Variants in TRDN observed in about 807,000 individuals in gnomAD.
The protein encoded by TRDN is triadin, also known as triadin in skeletal muscle.
TRDN carries 161 observed loss-of-function variants against 149.7 expected under a neutral mutation model. The ratio of observed to expected loss-of-function variants is 1.08; its 90% CI spans 0.95 to 1.23. TRDN has a LOEUF of 1.23. Among genes scored for constraint, TRDN ranks in the 50% most tolerant of loss-of-function variants. The pLI is 0.00. For synonymous variants in TRDN, 294 were observed against 250.5 expected (o/e 1.17, Z -1.64); for missense variants, 896 against 823.5 (o/e 1.09, Z -1.08).
intron 40 of TRDN, among the ~76,000 whole-genome samples, chr6:123,220,327 A>C (rs1775101060): frequency 6.6e-6 from 1 of 151,878 alleles, no homozygotes; most frequent in Non-Finnish European, 1.5e-5. Context: ...GATACAATTC[A>C]CCTGTCTCAT....
intron 25 of TRDN, 125 bp downstream of exon 25, chr6:123,278,931 G>T: frequency 1.2e-6 from 1 of 819,892 alleles, no homozygotes; most frequent in Non-Finnish European, 1.8e-6. Context: ...CACAAAACAA[G>T]CCTTTGACTT....
chr6:123,559,437 T>TACA (rs1461632655), intron 2 of TRDN, among the ~76,000 whole-genome samples: 3 of 152,154 alleles, frequency 2.0e-5, no homozygotes, highest in Admixed American at 6.6e-5. Context: ...ATTCCTGGAT[T>TACA]ACAGCTACAT....
chr6:123,561,586 C>T (rs1020879446), intron 2 of TRDN, among the ~76,000 whole-genome samples: 1 of 152,178 alleles, frequency 6.6e-6, no homozygotes, highest in Non-Finnish European at 1.5e-5. Context: ...CCCTTGAGCA[C>T]TCTCTAATTG....
intron 10 of TRDN, chr6:123,456,927 C>T (rs2114677848): frequency 2.2e-6 from 1 of 447,930 alleles, no homozygotes; most frequent in South Asian, 1.6e-5. Flanking sequence ...TCAAACAGAC[C>T]AGATCGCAAA....
rs187028129 is a variant in TRDN at position 123,218,380 on chromosome 6, C to T, written c.*221G>A. 6.5e-5 allele frequency: 29 copies of T among 449,194 alleles called. No individual in the cohort carries two copies. Among genetic ancestry groups the T allele is most frequent in the African/African-American group, 4.0e-4 (20 of 50,086 alleles). The allele number at this position is 449,194 out of a possible 1,614,324, so 27.8% of individuals were successfully genotyped here. ...GATAAATACAAGCACCCCCTCCCAC[C>T]GCAGCAAACACACATAACAGATTCT... is the stretch of plus-strand genomic sequence containing the variant. On this transcript the variant is annotated 3_prime_UTR_variant, in exon 41 of 41. Coordinates refer to ENST00000334268, the MANE Select transcript of TRDN (RefSeq NM_006073.4).
At chr6:123,492,861 G>GA (rs1416499611) in intron 9 of TRDN, among the ~76,000 whole-genome samples, 2 of 151,986 alleles carry the variant, frequency 1.3e-5, no homozygotes, top group African/African-American at 2.4e-5. Context: ...TAAGCCCTAG[G>GA]AAAAAAAGTG....
intron 18 of TRDN, among the ~76,000 whole-genome samples, chr6:123,377,454 C>A (rs1347820616): frequency 6.6e-6 from 1 of 152,070 alleles, no homozygotes; most frequent in Non-Finnish European, 1.5e-5. Context: ...GGCCAAAAAT[C>A]CTTCATTTCT....
chr6:123,260,602 A>G lies in TRDN; in HGVS notation c.1831+10T>C. The G allele has an allele frequency of 4.7e-6, 7 of 1,477,734 alleles. No homozygotes were observed. Among genetic ancestry groups the G allele is most frequent in the Non-Finnish European group, 6.3e-6 (7 of 1,112,398 alleles). The allele number at this position is 1,477,734 out of a possible 1,614,324, so 91.5% of individuals were successfully genotyped here. ...TGTATCTTATCTCCTCTGAAAAAGT[A>G]AATATTTACCTGATTCTGTGACTTC... On this transcript the variant is annotated intron_variant, in intron 34 of 40. Coordinates refer to ENST00000334268, the MANE Select transcript of TRDN (RefSeq NM_006073.4).
At chr6:123,519,165 G>A (rs1481317143) in intron 5 of TRDN, among the ~76,000 whole-genome samples, 1 of 152,112 alleles carries the variant, frequency 6.6e-6, no homozygotes, top group Non-Finnish European at 1.5e-5. Context: ...TTATTTACAA[G>A]AAACAAAAGT....
chr6:123,471,866 G>C (rs555856361), intron 9 of TRDN: 1 of 152,180 alleles, frequency 6.6e-6, no homozygotes, highest in Admixed American at 6.5e-5. Context: ...TCATATCATT[G>C]TTCCATTTAT....
intron 10 of TRDN, among the ~76,000 whole-genome samples, chr6:123,457,388 G>A (rs1475895130): frequency 6.6e-6 from 1 of 152,132 alleles, no homozygotes; most frequent in Non-Finnish European, 1.5e-5. Flanking sequence ...AGGACAGTGA[G>A]AAAAAGTTAA....
intron 21 of TRDN, among the ~76,000 whole-genome samples, chr6:123,344,674 A>G (rs149544880): frequency 2.8e-4 from 43 of 152,138 alleles, no homozygotes; most frequent in African/African-American, 9.4e-4. Flanking sequence ...TTATCTGTTC[A>G]CCTATTGAAG....
At chr6:123,508,756 C>G (rs999152429) in intron 7 of TRDN, among the ~76,000 whole-genome samples, 11 of 152,134 alleles carry the variant, frequency 7.2e-5, no homozygotes, top group African/African-American at 2.7e-4. Context: ...CAGTATGCAA[C>G]AGAGCAAGAA....
intron 1 of TRDN, among the ~76,000 whole-genome samples, chr6:123,594,487 A>G (rs947414827): frequency 2.0e-5 from 3 of 152,078 alleles, no homozygotes; most frequent in African/African-American, 7.2e-5. Context: ...TGTCATTTTA[A>G]AAATTGTTAA....
intron 10 of TRDN, among the ~76,000 whole-genome samples, chr6:123,454,143 G>A (rs958351863): frequency 2.0e-5 from 3 of 151,620 alleles, no homozygotes; most frequent in Admixed American, 6.6e-5. Context: ...GAGTGGGAGG[G>A]GGACGAGGGA....
chr6:123,617,613 T>A (rs186061867), intron 1 of TRDN, among the ~76,000 whole-genome samples: 9 of 152,326 alleles, frequency 5.9e-5, no homozygotes, highest in Non-Finnish European at 8.8e-5. Context: ...GTATCATTAG[T>A]TGTCACAATC....
At chr6:123,576,895 G>T (rs368277844) in intron 1 of TRDN, among the ~76,000 whole-genome samples, 3 of 152,018 alleles carry the variant, frequency 2.0e-5, no homozygotes, top group East Asian at 3.9e-4. Flanking sequence ...GGGCTTTCAT[G>T]AAAAGTGTCA....
At chr6:123,478,838 C>G (rs1194533135) in intron 9 of TRDN, among the ~76,000 whole-genome samples, 1 of 152,136 alleles carries the variant, frequency 6.6e-6, no homozygotes, top group Non-Finnish European at 1.5e-5. Context: ...TCCCCTCTAC[C>G]CATTCCCCTG....
chr6:123,459,052 T>C (rs1413812416), intron 10 of TRDN, among the ~76,000 whole-genome samples: 1 of 152,208 alleles, frequency 6.6e-6, no homozygotes, highest in Non-Finnish European at 1.5e-5. Context: ...CTAGAGTTTC[T>C]CATAACATAT....
Sources: gnomAD v4.1 joint callset for allele counts (sites outside exome capture counted in the v4.1 genomes callset) on GRCh38, gnomAD v4.1.1 for gene constraint, MANE v1.5 for transcripts, NCBI Gene and HGNC (gene_info 2026-07-23, HGNC 2026-07-21) for gene names.